PDGFC: variants seen among roughly 807,000 people sequenced by gnomAD.
The protein encoded by PDGFC is platelet derived growth factor C.
Under a neutral mutation model 35.5 loss-of-function variants are expected in PDGFC, and 12 were observed. That is an observed-to-expected ratio of 0.34 (90% CI 0.22 to 0.55). The LOEUF (loss-of-function observed/expected upper bound fraction) is 0.55. PDGFC is among the 20% of genes least tolerant of loss of function. The pLI is 0.91. For synonymous variants in PDGFC, 159 were observed against 148.8 expected (o/e 1.07, Z -0.50); for missense variants, 322 against 412.4 (o/e 0.78, Z 1.90).
intron 1 of PDGFC, among the ~76,000 whole-genome samples, chr4:156,969,351 C>T (rs990350054): frequency 3.9e-5 from 6 of 152,196 alleles, no homozygotes; most frequent in Non-Finnish European, 7.4e-5. Context: ...AGATACATCC[C>T]TAGGCTGCCC....
At chr4:156,812,387 T>C (rs1016814800) in intron 2 of PDGFC, among the ~76,000 whole-genome samples, 2 of 152,238 alleles carry the variant, frequency 1.3e-5, no homozygotes, top group African/African-American at 4.8e-5. Context: ...TTATATAACA[T>C]GCAGACAATA....
chr4:156,800,729 CTCA>C (rs533870748), intron 3 of PDGFC, among the ~76,000 whole-genome samples: 1 of 152,206 alleles, frequency 6.6e-6, no homozygotes, highest in South Asian at 2.1e-4. Flanking sequence ...TGCTAAATAG[CTCA>C]TCAATATTGA....
In PDGFC at chr4:156,947,001, G is replaced by A. The variant is rs149117620; in HGVS notation, c.118+23785C>T. ...GTTAAGAAGGCTGGAAGCAGAAATG[G>A]GAATCTCTCTGCTCAGCTAGCCTAG... On this transcript the variant is annotated intron_variant, in intron 1 of 5. Coordinates refer to ENST00000502773, the MANE Select transcript of PDGFC (RefSeq NM_016205.3). Among the ~76,000 whole-genome samples the A allele has an allele frequency of 5.7e-3, 866 of 152,092 alleles. 7 individuals carry two copies. Among genetic ancestry groups the A allele is most frequent in the African/African-American group, 0.02 (815 of 41,516 alleles).
chr4:156,783,500 C>T (rs1395080167), intron 3 of PDGFC, among the ~76,000 whole-genome samples: 1 of 152,076 alleles, frequency 6.6e-6, no homozygotes, highest in Non-Finnish European at 1.5e-5. Flanking sequence ...ATAATAACTG[C>T]TTTTATTGCC....
chr4:156,763,263 T>G lies in PDGFC; in HGVS notation c.922-57A>C, dbSNP rs987741047. 17 of 851,678 alleles carry G rather than the reference T, an allele frequency of 2.0e-5. No individual in the cohort carries two copies. In the African/African-American group the frequency reaches 2.8e-4, roughly 14 times the overall value. 52.8% of individuals were successfully genotyped at this position (851,678 alleles called of 1,614,324 possible). A position where few individuals can be genotyped will look rare whatever the true frequency, so the allele number is the denominator to read the frequency against. ...AAATCAACGAATGTCTATGACTGGC[T>G]TTTATAAACAAGTAACGTTTTAGAA... On this transcript the variant is annotated intron_variant, in intron 5 of 5. Coordinates refer to ENST00000502773, the MANE Select transcript of PDGFC (RefSeq NM_016205.3).
chr4:156,785,709 T>C (rs72974661), intron 3 of PDGFC, among the ~76,000 whole-genome samples: 1,638 of 152,218 alleles, frequency 0.011, 20 homozygotes, highest in African/African-American at 0.036. Flanking sequence ...AAGGTAAAAT[T>C]CTATCAACTA....
intron 3 of PDGFC, among the ~76,000 whole-genome samples, chr4:156,775,030 A>G (rs1319911784): frequency 6.6e-6 from 1 of 152,098 alleles, no homozygotes; most frequent in East Asian, 1.9e-4. Flanking sequence ...ATTTTATGAT[A>G]TTTTTGCTCT....
chr4:156,782,419 G>T lies in PDGFC; in HGVS notation c.496-9526C>A, dbSNP rs145552204. On this transcript the variant is annotated intron_variant, in intron 3 of 5. Transcript: ENST00000502773. Reference sequence around the variant, plus strand: ...TACAGTGTACGGTGTTACATTAAAAGAAACTTCTGTAAAGTAACTAGTTAG... The same window carrying T: ...TACAGTGTACGGTGTTACATTAAAATAAACTTCTGTAAAGTAACTAGTTAG... Among the ~76,000 whole-genome samples the T allele has an allele frequency of 1.4e-4, 22 of 152,210 alleles. No individual in the cohort carries two copies. The East Asian group carries it at 4.2e-3, about 29-fold the overall frequency.
chr4:156,894,647 T>C (rs1265420311), intron 1 of PDGFC, among the ~76,000 whole-genome samples: 1 of 152,160 alleles, frequency 6.6e-6, no homozygotes, highest in African/African-American at 2.4e-5. Context: ...ACAGGAAATA[T>C]GTTAAATAGA....
intron 1 of PDGFC, among the ~76,000 whole-genome samples, chr4:156,939,643 G>A (rs1052846676): frequency 6.6e-6 from 1 of 152,036 alleles, no homozygotes; most frequent in Non-Finnish European, 1.5e-5. Context: ...ATTGTGGCTT[G>A]TTACATAAAA....
intron 2 of PDGFC, among the ~76,000 whole-genome samples, chr4:156,845,368 A>G (rs944962363): frequency 3.3e-5 from 5 of 151,822 alleles, no homozygotes; most frequent in Middle Eastern, 3.4e-3. Context: ...AATGAATGTA[A>G]GAAAATAAAT....
At chr4:156,903,085 A>AAGAGAG (rs537862051) in intron 1 of PDGFC, among the ~76,000 whole-genome samples, 1,735 of 137,574 alleles carry the variant, frequency 0.013, 35 homozygotes, top group Admixed American at 0.03. Context: ...AATAAGGACA[A>AAGAGAG]AGAGAGAGAG....
chr4:156,883,522 A>C (rs2111176424), intron 1 of PDGFC, among the ~76,000 whole-genome samples: 1 of 152,344 alleles, frequency 6.6e-6, no homozygotes, highest in South Asian at 2.1e-4. Context: ...GAAATACCTA[A>C]AAAATACAAA....
chr4:156,777,079 A>G (rs1174719164), intron 3 of PDGFC, among the ~76,000 whole-genome samples: 1 of 152,038 alleles, frequency 6.6e-6, no homozygotes, highest in East Asian at 1.9e-4. Flanking sequence ...GTTTTAGCAG[A>G]TGAGTGAGTT....
At chr4:156,949,359 CTTTTT>C (rs201001684) in intron 1 of PDGFC, among the ~76,000 whole-genome samples, 1 of 148,424 alleles carries the variant, frequency 6.7e-6, no homozygotes, top group Non-Finnish European at 1.5e-5. Context: ...CTAATGTGTA[CTTTTT>C]TTTTTATTTC....
At chr4:156,813,935 C>A (rs1732009456) in intron 2 of PDGFC, among the ~76,000 whole-genome samples, 1 of 152,088 alleles carries the variant, frequency 6.6e-6, no homozygotes, top group African/African-American at 2.4e-5. Context: ...AAGGAGATAT[C>A]TTTGCTTACT....
chr4:156,853,857 G>T (rs1256594897), intron 1 of PDGFC, among the ~76,000 whole-genome samples: 1 of 152,080 alleles, frequency 6.6e-6, no homozygotes, highest in Non-Finnish European at 1.5e-5. Flanking sequence ...CAGCTACTTG[G>T]GAGGCTGAAG....
Position 156,761,172 on chromosome 4 carries a change from C to T in PDGFC, c.*1918G>A, listed in dbSNP as rs1730366491. 1 of 152,252 alleles carries T rather than the reference C, an allele frequency of 6.6e-6. No homozygotes were observed. The highest frequency in any genetic ancestry group is 1.5e-5 in the Non-Finnish European group (1 of 68,104). The allele number at this position is 152,252 out of a possible 1,614,324, so 9.4% of individuals were successfully genotyped here. On this transcript the variant is annotated 3_prime_UTR_variant, in exon 6 of 6. Coordinates refer to ENST00000502773, the MANE Select transcript of PDGFC (RefSeq NM_016205.3). ...GGCTGAGGAAAGGATGCTGAAGATACCAGCCCTGAATAGGAATCTATGTCT... is the reference window on the plus strand; with the variant it reads ...GGCTGAGGAAAGGATGCTGAAGATATCAGCCCTGAATAGGAATCTATGTCT...
In PDGFC at chr4:156,762,449, T is replaced by A. The variant is rs1308158659; in HGVS notation, c.*641A>T. The A allele has an allele frequency of 6.6e-6, 1 of 152,636 alleles. No individual in the cohort carries two copies. The highest frequency in any genetic ancestry group is 1.9e-4 in the East Asian group (1 of 5,178). 9.5% of individuals were successfully genotyped at this position (152,636 alleles called of 1,614,324 possible). A position where few individuals can be genotyped will look rare whatever the true frequency, so the allele number is the denominator to read the frequency against. On this transcript the variant is annotated 3_prime_UTR_variant, in exon 6 of 6. Transcript: ENST00000502773. ...CACTCTTCTTTTCAGGTTTATCTCT[T>A]CCAAACCATGAATGTAGTTCTCTTC... is the stretch of plus-strand genomic sequence containing the variant.
Sources: gnomAD v4.1 joint callset for allele counts (sites outside exome capture counted in the v4.1 genomes callset) on GRCh38, gnomAD v4.1.1 for gene constraint, MANE v1.5 for transcripts, NCBI Gene and HGNC (gene_info 2026-07-23, HGNC 2026-07-21) for gene names.